The following DTD1 variants were observed in gnomAD, a reference collection of about 807,000 sequenced individuals.
DTD1 encodes the protein D-tyrosyl-tRNA deacylase 1 homolog.
In DTD1, 13 loss-of-function variants were observed where a neutral mutation model predicts 25.6. The ratio of observed to expected loss-of-function variants is 0.51; its 90% confidence interval spans 0.33 to 0.81. DTD1 has a LOEUF of 0.81. DTD1 is among the 30% of genes least tolerant of loss of function. The pLI, the probability that DTD1 is intolerant of heterozygous loss-of-function variation, is 0.02. For synonymous variants in DTD1, 110 were observed against 103.6 expected, an observed-to-expected ratio of 1.06 and a Z score of -0.37; for missense variants, 193 against 266.4, an observed-to-expected ratio of 0.72 and a Z score of 1.92.
chr20:18,759,710 G>A (rs111639836), intron 5 of DTD1, among the ~76,000 whole-genome samples: 5,569 of 152,162 alleles, frequency 0.037, 222 homozygotes, highest in African/African-American at 0.091. Flanking sequence ...ACAATTATGC[G>A]TCTTGGAGTT....
intron 4 of DTD1, among the ~76,000 whole-genome samples, chr20:18,715,195 A>G (rs938568624): frequency 1.3e-5 from 2 of 151,562 alleles, no homozygotes; most frequent in African/African-American, 4.9e-5. Flanking sequence ...CCCCCACTCC[A>G]TTTCCCCCAG....
chr20:18,713,105 C>G (rs761271194), intron 4 of DTD1, among the ~76,000 whole-genome samples: 1 of 152,286 alleles, frequency 6.6e-6, no homozygotes, highest in South Asian at 2.1e-4. Flanking sequence ...CTCTGCTCCC[C>G]CTCCCATGGC....
chr20:18,715,182 C>T (rs1265148369), intron 4 of DTD1, among the ~76,000 whole-genome samples: 3 of 152,054 alleles, frequency 2.0e-5, no homozygotes, highest in Non-Finnish European at 4.4e-5. Flanking sequence ...TACACTGTCC[C>T]CTCCCCCACT....
At chr20:18,738,913 T>C (rs747009120) in intron 4 of DTD1, among the ~76,000 whole-genome samples, 2 of 152,246 alleles carry the variant, frequency 1.3e-5, no homozygotes, top group African/African-American at 2.4e-5. Context: ...GTGACACATA[T>C]GCACCCCATC....
intron 5 of DTD1, among the ~76,000 whole-genome samples, chr20:18,761,063 C>T (rs1475933688): frequency 1.3e-5 from 2 of 152,274 alleles, no homozygotes; most frequent in South Asian, 2.1e-4. Context: ...CCTGGTGTGC[C>T]GTTTGCTAAG....
At chr20:18,597,193 GTGTGTGTA>G (rs1161808650) in intron 3 of DTD1, among the ~76,000 whole-genome samples, 1 of 89,284 alleles carries the variant, frequency 1.1e-5, no homozygotes, top group African/African-American at 3.6e-5. Flanking sequence ...GTGTGTGTGT[GTGTGTGTA>G]TAGAGAGAAG....
intron 4 of DTD1, among the ~76,000 whole-genome samples, chr20:18,736,372 T>G (rs1267264022): frequency 1.3e-5 from 2 of 152,174 alleles, no homozygotes; most frequent in Admixed American, 6.5e-5. Context: ...GCTCTCCAAT[T>G]TGTTCACAAA....
intron 4 of DTD1, among the ~76,000 whole-genome samples, chr20:18,735,304 T>C (rs1427445092): frequency 6.6e-6 from 1 of 152,248 alleles, no homozygotes; most frequent in East Asian, 1.9e-4. Flanking sequence ...TACCTGGCAT[T>C]GTCCAGCAAG....
At chr20:18,617,896 A>G (rs1467393516) in intron 3 of DTD1, among the ~76,000 whole-genome samples, 1 of 150,776 alleles carries the variant, frequency 6.6e-6, no homozygotes, top group Admixed American at 6.6e-5. Flanking sequence ...TTTCTCTTCT[A>G]TTCTGAACAA....
rs1244588667 is a variant in DTD1, at chr20:18,708,284, AT to A, written c.478-35814del. Among the ~76,000 whole-genome samples, 48 of 20,326 alleles carry A rather than the reference AT, an allele frequency of 2.4e-3. 2 individuals are homozygous for A. The highest frequency in any genetic ancestry group is 6.2e-3 in the Admixed American group (8 of 1,290). The allele number at this position is 20,326 out of a possible 152,430, so 13.3% of individuals were successfully genotyped here. ...TATATTTTATATATATATAATATAT[AT>A]TATATATATATAATATATATATTTT... On this transcript the variant is annotated intron_variant, in intron 4 of 5. Transcript: ENST00000377452.
intron 4 of DTD1, among the ~76,000 whole-genome samples, chr20:18,711,401 A>G (rs1053193586): frequency 2.0e-5 from 3 of 152,070 alleles, no homozygotes; most frequent in Non-Finnish European, 4.4e-5. Flanking sequence ...GTGACCTGTG[A>G]ACTCTCCCTA....
intron 4 of DTD1, among the ~76,000 whole-genome samples, chr20:18,708,027 T>C (rs946287679): frequency 6.7e-6 from 1 of 150,216 alleles, no homozygotes; most frequent in African/African-American, 2.5e-5. Flanking sequence ...GGTTAGGAGC[T>C]TGGGGAGACA....
chr20:18,617,135 G>A (rs576478031), intron 3 of DTD1, among the ~76,000 whole-genome samples: 1 of 152,114 alleles, frequency 6.6e-6, no homozygotes, highest in South Asian at 2.1e-4. Flanking sequence ...TCAATTGGAA[G>A]AAATAAAGAT....
intron 5 of DTD1, among the ~76,000 whole-genome samples, chr20:18,750,481 C>T (rs376940219): frequency 4.6e-5 from 7 of 151,924 alleles, no homozygotes; most frequent in African/African-American, 1.5e-4. Context: ...TTCCAAGGCA[C>T]GAGAGAGAAA....
At position 18,595,958 on chromosome 20, in the gene DTD1, G is replaced by A. The variant is rs140517016; in HGVS notation, c.135-48G>A. ...ATTTTTGGGGTATGGAGTGTGTTGG[G>A]GGGCTTGTGATCTCTCAGGTAGCTC... is the stretch of plus-strand genomic sequence containing the variant. On this transcript the variant is annotated intron_variant, in intron 2 of 5. Transcript: ENST00000377452. 13,425 of 1,544,712 alleles carry A rather than the reference G, an allele frequency of 8.7e-3. 92 individuals carry two copies. Among genetic ancestry groups the A allele is most frequent in the Admixed American group, 8.7e-3 (520 of 59,856 alleles).
At chr20:18,610,369 C>T (rs558530960) in intron 3 of DTD1, among the ~76,000 whole-genome samples, 10 of 152,114 alleles carry the variant, frequency 6.6e-5, no homozygotes, top group Non-Finnish European at 1.2e-4. Flanking sequence ...GGACTACAGA[C>T]GGTGTGCCAC....
intron 5 of DTD1, among the ~76,000 whole-genome samples, chr20:18,750,305 T>C (rs2039120501): frequency 6.6e-6 from 1 of 152,168 alleles, no homozygotes; most frequent in Admixed American, 6.5e-5. Flanking sequence ...CTATGAGAGC[T>C]GGATTAAATG....
chr20:18,653,903 G>C (rs2060882671), intron 4 of DTD1, among the ~76,000 whole-genome samples: 1 of 152,228 alleles, frequency 6.6e-6, no homozygotes, highest in South Asian at 2.1e-4. Context: ...CATCATGAGA[G>C]GGGAGGGGCA....
chr20:18,639,459 T>A (rs892522315), intron 4 of DTD1, among the ~76,000 whole-genome samples: 1 of 152,162 alleles, frequency 6.6e-6, no homozygotes, highest in Non-Finnish European at 1.5e-5. Flanking sequence ...CTGGTGTTCA[T>A]TGAGCTTGGA....
Sources: gnomAD v4.1 joint callset for allele counts (sites outside exome capture counted in the v4.1 genomes callset) on GRCh38, gnomAD v4.1.1 for gene constraint, MANE v1.5 for transcripts, NCBI Gene and HGNC (gene_info 2026-07-23, HGNC 2026-07-21) for gene names.